Variants in HMCN1 observed in about 807,000 individuals in gnomAD.
HMCN1 encodes the protein hemicentin-1.
In HMCN1, 321 loss-of-function variants were observed where a neutral mutation model predicts 625.9. The ratio of observed to expected loss-of-function variants is 0.51; its 90% CI spans 0.47 to 0.56. The LOEUF (loss-of-function observed/expected upper bound fraction) is 0.56, where lower values mean the gene tolerates loss of function less well. Among genes scored for constraint, HMCN1 ranks in the 20% least tolerant of loss-of-function variants. The pLI is 0.00. For missense variants in HMCN1, 6,588 were observed against 6,887.3 expected (o/e 0.96, Z 1.54); for synonymous variants, 2,425 against 2,417.6 (o/e 1.00, Z -0.09).
chr1:185,747,652 G>T (rs1158819764), intron 1 of HMCN1, among the ~76,000 whole-genome samples: 2 of 152,118 alleles, frequency 1.3e-5, no homozygotes, highest in Non-Finnish European at 1.5e-5. Flanking sequence ...TAATAAAGTC[G>T]TATTTAATCT....
intron 1 of HMCN1, among the ~76,000 whole-genome samples, chr1:185,788,970 G>T (rs183248898): frequency 6.6e-6 from 1 of 151,730 alleles, no homozygotes; most frequent in Non-Finnish European, 1.5e-5. Flanking sequence ...TACAAAATAA[G>T]GTAAAGTTTT....
intron 5 of HMCN1, 59 bp downstream of exon 5, chr1:185,909,567 T>C: frequency 1.4e-6 from 2 of 1,431,486 alleles, no homozygotes; most frequent in Non-Finnish European, 9.8e-7. Flanking sequence ...TAAAATACTT[T>C]TCACACACTT....
At chr1:185,900,463 G>A (rs1665739909) in intron 4 of HMCN1, among the ~76,000 whole-genome samples, 1 of 151,922 alleles carries the variant, frequency 6.6e-6, no homozygotes, top group African/African-American at 2.4e-5. Context: ...TGTGCGTGGT[G>A]CCAGATTTTA....
At chr1:186,121,599 G>A (rs1185605540) in intron 80 of HMCN1, among the ~76,000 whole-genome samples, 2 of 152,118 alleles carry the variant, frequency 1.3e-5, no homozygotes, top group Non-Finnish European at 2.9e-5. Context: ...GAACTGGGTT[G>A]GGAAGAAGGA....
intron 4 of HMCN1, among the ~76,000 whole-genome samples, chr1:185,866,070 C>A (rs1663172329): frequency 6.6e-6 from 1 of 152,054 alleles, no homozygotes; most frequent in African/African-American, 2.4e-5. Context: ...TTACTTATAG[C>A]AACAAACTGC....
chr1:185,911,836 A>G, intron 6 of HMCN1, 56 bp downstream of exon 6: 2 of 1,292,302 alleles, frequency 1.5e-6, no homozygotes, highest in Admixed American at 1.7e-5. Flanking sequence ...GGCATTTTTC[A>G]TGAAGTATAC....
At chr1:185,935,324 G>A (rs908101336) in intron 11 of HMCN1, among the ~76,000 whole-genome samples, 3 of 152,102 alleles carry the variant, frequency 2.0e-5, no homozygotes, top group Non-Finnish European at 4.4e-5. Context: ...TAAAAATGCA[G>A]ATTTCTAACC....
intron 1 of HMCN1, among the ~76,000 whole-genome samples, chr1:185,761,543 G>A (rs1036342974): frequency 6.6e-6 from 1 of 152,034 alleles, no homozygotes; most frequent in African/African-American, 2.4e-5. Context: ...CTGTTTACTG[G>A]TACTTTTACT....
intron 10 of HMCN1, among the ~76,000 whole-genome samples, chr1:185,930,878 G>A (rs1049871737): frequency 6.7e-6 from 1 of 149,438 alleles, no homozygotes; most frequent in Non-Finnish European, 1.5e-5. Context: ...GTACTGAATT[G>A]TTTTACTAAC....
intron 48 of HMCN1, among the ~76,000 whole-genome samples, chr1:186,065,037 C>G (rs919595359): frequency 5.3e-5 from 8 of 151,930 alleles, no homozygotes; most frequent in African/African-American, 1.9e-4. Flanking sequence ...GATTTATAAT[C>G]TATGCATATT....
At chr1:185,787,600 T>G (rs1557969026) in intron 1 of HMCN1, among the ~76,000 whole-genome samples, 1 of 152,240 alleles carries the variant, frequency 6.6e-6, no homozygotes, top group Non-Finnish European at 1.5e-5. Flanking sequence ...ATTGTCATTT[T>G]CTGGCTCCCC....
chr1:186,150,438 TA>T (rs1650596162), intron 93 of HMCN1, among the ~76,000 whole-genome samples: 1 of 152,214 alleles, frequency 6.6e-6, no homozygotes, highest in African/African-American at 2.4e-5. Context: ...TAAAAATTTA[TA>T]ATTGTTTTGC....
chr1:185,749,553 A>G (rs1411650523), intron 1 of HMCN1, among the ~76,000 whole-genome samples: 1 of 151,928 alleles, frequency 6.6e-6, no homozygotes, highest in Non-Finnish European at 1.5e-5. Context: ...CAGGCACCAC[A>G]TTTTCTTACT....
rs903452822 is a variant in HMCN1 at position 185,777,258 on chromosome 1, G to A, written c.268+42211G>A. Among the ~76,000 whole-genome samples, 5 of 152,182 alleles carry A rather than the reference G, an allele frequency of 3.3e-5. No individual in the cohort carries two copies. In the East Asian group the frequency reaches 9.7e-4, roughly 29 times the overall value. On this transcript the variant is annotated intron_variant, in intron 1 of 106. Transcript: ENST00000271588. Reference sequence around the variant, plus strand: ...GTCTCCTCTCCATCTTCCCCTGTTCGAAGGCATCAATGCAGAACATTTTAT... The same window carrying A: ...GTCTCCTCTCCATCTTCCCCTGTTCAAAGGCATCAATGCAGAACATTTTAT...
At chr1:185,890,873 T>C (rs1169142221) in intron 4 of HMCN1, among the ~76,000 whole-genome samples, 1 of 65,298 alleles carries the variant, frequency 1.5e-5, no homozygotes, top group Non-Finnish European at 2.8e-5. Flanking sequence ...CCTTGTTGAC[T>C]TTCTGTCTCG....
At chr1:186,150,553 C>T (rs888965102) in intron 93 of HMCN1, among the ~76,000 whole-genome samples, 7 of 151,632 alleles carry the variant, frequency 4.6e-5, no homozygotes, top group Non-Finnish European at 1.0e-4. Context: ...CTTGATAAAC[C>T]CTCACTCTAA....
At chr1:185,791,007 C>A (rs1396243337) in intron 1 of HMCN1, among the ~76,000 whole-genome samples, 1 of 151,686 alleles carries the variant, frequency 6.6e-6, no homozygotes, top group Non-Finnish European at 1.5e-5. Flanking sequence ...TATTTTTTTT[C>A]TTCACTTCCA....
rs540590040 is a variant in HMCN1 at position 185,976,856 on chromosome 1, C to T, written c.2372-931C>T. On this transcript the variant is annotated intron_variant, in intron 15 of 106. Coordinates refer to ENST00000271588, the MANE Select transcript of HMCN1 (RefSeq NM_031935.3). The stretch of plus-strand genomic sequence containing the variant: ...ATCAAGGAGCCTTCCCTAGGGTACA[C>T]CTCTTAGAATCCTATATGAGCAGGT... Among the ~76,000 whole-genome samples the T allele has an allele frequency of 2.3e-4, 35 of 152,192 alleles. 2 individuals are homozygous for T. In the South Asian group the frequency reaches 7.3e-3, roughly 32 times the overall value.
Position 186,166,101 on chromosome 1 carries a change from G to A in HMCN1, c.15320-83G>A, listed in dbSNP as rs1651859932. On this transcript the variant is annotated intron_variant, in intron 98 of 106. Transcript: ENST00000271588. ...TGATTCAACTTCTTGGCCTCTATAA[G>A]CAGTTATTTTTACTGGCTTTAATAA... 36 of 1,477,426 alleles carry A rather than the reference G, an allele frequency of 2.4e-5. No homozygotes were observed. The South Asian group carries it at 4.0e-4, about 16-fold the overall frequency. 91.5% of individuals were successfully genotyped at this position (1,477,426 alleles called of 1,614,324 possible).
Sources: allele counts gnomAD v4.1 joint callset (sites outside exome capture counted in the v4.1 genomes callset), GRCh38; gene constraint gnomAD v4.1.1; transcripts MANE v1.5; gene names NCBI Gene and HGNC (gene_info 2026-07-23, HGNC 2026-07-21).